Variants in FAM171A2 observed in about 807,000 individuals in gnomAD.
FAM171A2 encodes protein FAM171A2.
FAM171A2 carries 13 observed loss-of-function variants against 34.2 expected under a neutral mutation model. The ratio of observed to expected loss-of-function variants is 0.38; its 90% CI spans 0.25 to 0.60. The LOEUF is 0.60. FAM171A2 is among the 20% of genes least tolerant of loss of function. FAM171A2 has a pLI of 0.62. For missense variants in FAM171A2, 950 were observed against 1,180.7 expected (o/e 0.80, Z 2.86); for synonymous variants, 475 against 561.2 (o/e 0.85, Z 2.17).
In FAM171A2 at chr17:44,355,946, C is replaced by T. The variant is rs1338880249; in HGVS notation, c.895+12G>A. 3.9e-6 allele frequency: 6 copies of T among 1,540,020 alleles called. No individual in the cohort carries two copies. The highest frequency in any genetic ancestry group is 1.7e-4 in the Middle Eastern group (1 of 5,930). On this transcript the variant is annotated intron_variant, in intron 6 of 7. Transcript: ENST00000293443. This position sits in a 1 kb window ranked among gnomAD's most constrained non-coding sequence, Gnocchi z 4.1. ...TCCGCGGCCTCTACGCCCACTGCCCCACTACTCTTACCAGCCGTGGGGGAG... is the reference window on the plus strand; with the variant it reads ...TCCGCGGCCTCTACGCCCACTGCCCTACTACTCTTACCAGCCGTGGGGGAG...
In FAM171A2 at chr17:44,354,543, G is replaced by T; in HGVS notation, c.1671C>A (p.Gly557=). ...CCGGCGGGGCCGGCTCGTCGCCCAC[G>T]CCGGCGGCGCCCGCCTCGCCGCCGA... ...VRLGGEAGAA[G]VGDEPAPPEG... is the part of the protein sequence containing the mutation. Residue 557 remains glycine, a synonymous_variant, in exon 8 of 8, where the codon GGC becomes GGA. Coordinates refer to ENST00000293443, the MANE Select transcript of FAM171A2 (RefSeq NM_198475.3). The surrounding 1 kb of genome is among the most constrained non-coding windows in gnomAD (Gnocchi z 5.8). The T allele has an allele frequency of 1.7e-6, 2 of 1,186,814 alleles. No homozygotes were observed. Among genetic ancestry groups the T allele is most frequent in the Non-Finnish European group, 2.1e-6 (2 of 958,934 alleles). The allele number at this position is 1,186,814 out of a possible 1,614,324, so 73.5% of individuals were successfully genotyped here. A position where few individuals can be genotyped will look rare whatever the true frequency, so the allele number is the denominator to read the frequency against.
Position 44,356,441 on chromosome 17 carries a change from G to T in FAM171A2, c.587C>A (p.Ala196Asp). The T allele has an allele frequency of 6.4e-7, 1 of 1,551,028 alleles. No individual in the cohort carries two copies. The highest frequency in any genetic ancestry group is 8.7e-7 in the Non-Finnish European group (1 of 1,146,908). ...GGCACCCAGCCTACCTGAGCTGGAG[G>T]CCTCAGTGCCCAGGAAGGCAGGGAA... ...RAFPAFLGTE[A>D]SSSGNGSWLE... The change falls in exon 4 of 8, where the codon GCC (alanine) becomes GAC (aspartate). Residue 196 changes from alanine to aspartate, a missense_variant. Ala to Asp is a moderately radical substitution (Grantham distance 126). Around this residue, in one of 3 missense-constraint regions of FAM171A2, gnomAD observed 752 missense variants for 924.5 expected, o/e 0.81. Coordinates refer to ENST00000293443, the MANE Select transcript of FAM171A2 (RefSeq NM_198475.3).
rs2048402524 is a variant in FAM171A2, at chr17:44,353,678, C to T, written c.*55G>A. 26 of 1,209,874 alleles carry T rather than the reference C, an allele frequency of 2.1e-5. No homozygotes were observed. The highest frequency in any genetic ancestry group is 2.6e-5 in the Non-Finnish European group (25 of 974,654). 74.9% of individuals were successfully genotyped at this position (1,209,874 alleles called of 1,614,324 possible). A position where few individuals can be genotyped will look rare whatever the true frequency, so the allele number is the denominator to read the frequency against. ...AGGGCCCCCGCGGGCCCCCGGGGCGCGCACCCTGGGTGCGGGCCCGCGCGG... is the reference window on the plus strand; with the variant it reads ...AGGGCCCCCGCGGGCCCCCGGGGCGTGCACCCTGGGTGCGGGCCCGCGCGG... On this transcript the variant is annotated 3_prime_UTR_variant, in exon 8 of 8. Coordinates refer to ENST00000293443, the MANE Select transcript of FAM171A2 (RefSeq NM_198475.3).
intron 1 of FAM171A2, among the ~76,000 whole-genome samples, chr17:44,361,814 G>C (rs1281060678): frequency 6.6e-6 from 1 of 152,134 alleles, no homozygotes; most frequent in Non-Finnish European, 1.5e-5. Context: ...AGTGGCATGG[G>C]GTGGGGGGAG....
At chr17:44,363,124 C>A (rs533504916) in intron 1 of FAM171A2, among the ~76,000 whole-genome samples, 5 of 152,098 alleles carry the variant, frequency 3.3e-5, no homozygotes, top group South Asian at 4.1e-4. Context: ...TCCCCTCCCC[C>A]CTTCAAACCC....
rs1049810183 is a variant in FAM171A2 at position 44,354,421 on chromosome 17, C to G, written c.1793G>C (p.Gly598Ala). 1.7e-6 allele frequency: 2 copies of G among 1,150,590 alleles called. No individual in the cohort carries two copies. The highest frequency in any genetic ancestry group is 3.3e-5 in the African/African-American group (2 of 60,182). 71.3% of individuals were successfully genotyped at this position (1,150,590 alleles called of 1,614,324 possible). Residue 598 changes from glycine to alanine, a missense_variant, in exon 8 of 8, where the codon GGG (glycine) becomes GCG (alanine). Coordinates refer to ENST00000293443, the MANE Select transcript of FAM171A2 (RefSeq NM_198475.3). This position sits in a 1 kb window ranked among gnomAD's most constrained non-coding sequence, Gnocchi z 5.8. ...GHSGPGGEGG[G>A]GGGEGWGAGR... ...GGCCCCCCAGCCCTCGCCGCCGCCCCCGCCGCCCTCGCCCCCCGGGCCCGA... is the reference window on the plus strand; with the variant it reads ...GGCCCCCCAGCCCTCGCCGCCGCCCGCGCCGCCCTCGCCCCCCGGGCCCGA...
intron 1 of FAM171A2, 111 bp from the exon 2 acceptor site, chr17:44,360,243 A>T: frequency 1.2e-6 from 1 of 832,882 alleles, no homozygotes. Flanking sequence ...TTTTGGGCTG[A>T]GGCTAGAGAA....
chr17:44,356,850 A>G (rs1379177755), intron 3 of FAM171A2, among the ~76,000 whole-genome samples: 2 of 152,184 alleles, frequency 1.3e-5, no homozygotes, highest in Non-Finnish European at 2.9e-5. Flanking sequence ...AAATGTTGCG[A>G]TCCAGATCCT....
In FAM171A2 at chr17:44,355,964, T is replaced by C. The variant is rs753897731; in HGVS notation, c.889A>G (p.Thr297Ala). ...GYWVAAMASP[T>A]AGLVTITSGI... ...ACTGCCCCACTACTCTTACCAGCCGTGGGGGAGGCCATGGCGGCCACCCAG... is the reference window on the plus strand; with the variant it reads ...ACTGCCCCACTACTCTTACCAGCCGCGGGGGAGGCCATGGCGGCCACCCAG... Residue 297 changes from threonine to alanine, a missense_variant, in exon 6 of 8, where the codon ACG becomes GCG. Coordinates refer to ENST00000293443, the MANE Select transcript of FAM171A2 (RefSeq NM_198475.3). This position sits in a 1 kb window ranked among gnomAD's most constrained non-coding sequence, Gnocchi z 4.1. The C allele has an allele frequency of 5.8e-6, 9 of 1,541,212 alleles. No homozygotes were observed. Among genetic ancestry groups the C allele is most frequent in the Non-Finnish European group, 7.9e-6 (9 of 1,141,154 alleles).
At position 44,363,813 on chromosome 17, in the gene FAM171A2, G is replaced by GGCTCCC. The variant is rs1205842827; in HGVS notation, c.-105_-100dup. 151 of 479,312 alleles carry GGCTCCC rather than the reference G, an allele frequency of 3.2e-4. No individual in the cohort carries two copies. Among genetic ancestry groups the GGCTCCC allele is most frequent in the African/African-American group, 2.5e-3 (120 of 48,514 alleles). 29.7% of individuals were successfully genotyped at this position (479,312 alleles called of 1,614,324 possible). On this transcript the variant is annotated 5_prime_UTR_variant, in exon 1 of 8. Coordinates refer to ENST00000293443, the MANE Select transcript of FAM171A2 (RefSeq NM_198475.3). ...GCTCTGCGCCGCGCCTCGCAGCTCC[G>GGCTCCC]GCTCCCGCTCCCGCTGCGGCGCCCG...
At chr17:44,361,495 A>G (rs1165374234) in intron 1 of FAM171A2, among the ~76,000 whole-genome samples, 1 of 152,110 alleles carries the variant, frequency 6.6e-6, no homozygotes, top group Non-Finnish European at 1.5e-5. Flanking sequence ...AAGGCCTTAG[A>G]GTGGAGCCTG....
chr17:44,354,366 G>A lies in FAM171A2; in HGVS notation c.1848C>T (p.Val616=). The change falls in exon 8 of 8, where the codon GTC becomes GTT. Residue 616 remains valine (V), a synonymous_variant. Coordinates refer to ENST00000293443, the MANE Select transcript of FAM171A2 (RefSeq NM_198475.3). The surrounding 1 kb of genome is among the most constrained non-coding windows in gnomAD (Gnocchi z 5.8). ...ACTCGTTGAATAGCACAGGGATGGT[G>A]ACTGAGCCACTGACGGGCGCCGCGC... ...AGRAAPVSGS[V]TIPVLFNEST... is the part of the protein sequence containing the mutation. 1 of 1,354,738 alleles carries A rather than the reference G, an allele frequency of 7.4e-7. No homozygotes were observed. 83.9% of individuals were successfully genotyped at this position (1,354,738 alleles called of 1,614,324 possible). A position where few individuals can be genotyped will look rare whatever the true frequency, so the allele number is the denominator to read the frequency against.
Position 44,355,240 on chromosome 17 carries a change from A to G in FAM171A2, c.1023-49T>C, listed in dbSNP as rs1239639979. On this transcript the variant is annotated intron_variant, in intron 7 of 7. Coordinates refer to ENST00000293443, the MANE Select transcript of FAM171A2 (RefSeq NM_198475.3). This position sits in a 1 kb window ranked among gnomAD's most constrained non-coding sequence, Gnocchi z 4.1. The stretch of plus-strand genomic sequence containing the variant: ...GCCGCTCAGGAAAGGGTGAGGGCCA[A>G]AGTAGGCCCCGAACCCCCTTAGATG... 2.6e-6 allele frequency: 4 copies of G among 1,540,324 alleles called. No homozygotes were observed. Among genetic ancestry groups the G allele is most frequent in the Non-Finnish European group, 2.6e-6 (3 of 1,143,516 alleles).
rs1382813960 is a variant in FAM171A2, at chr17:44,355,013, C to A, written c.1201G>T (p.Ala401Ser). The change falls in exon 8 of 8, where the codon GCC becomes TCC. Residue 401 changes from alanine (A) to serine (S), a missense_variant. By Grantham distance (99) the Ala-to-Ser change is moderately conservative. Transcript: ENST00000293443. The surrounding 1 kb of genome is among the most constrained non-coding windows in gnomAD (Gnocchi z 4.1). ...GCCAAGTCCCGGGAGCTGGAGAAGG[C>A]CGAGTGGAGGGGGCCTGGAGGCGGA... is the stretch of plus-strand genomic sequence containing the variant. ...EAPPPGPLHSAFSSSRDLASS... is the reference protein window; with the variant it reads ...EAPPPGPLHSSFSSSRDLASS... The A allele has an allele frequency of 2.0e-6, 3 of 1,518,038 alleles. No individual in the cohort carries two copies. Among genetic ancestry groups the A allele is most frequent in the Admixed American group, 4.4e-5 (2 of 45,558 alleles). 94.0% of individuals were successfully genotyped at this position (1,518,038 alleles called of 1,614,324 possible).
At chr17:44,360,579 G>A (rs1053115107) in intron 1 of FAM171A2, among the ~76,000 whole-genome samples, 2 of 152,192 alleles carry the variant, frequency 1.3e-5, no homozygotes, top group Non-Finnish European at 2.9e-5. Context: ...GCTAAGTGGA[G>A]ATCTGGGATC....
At chr17:44,361,007 G>A (rs1325115523) in intron 1 of FAM171A2, among the ~76,000 whole-genome samples, 1 of 152,234 alleles carries the variant, frequency 6.6e-6, no homozygotes, top group African/African-American at 2.4e-5. Context: ...GCAGGGAGCT[G>A]GGGCCCTGGT....
chr17:44,359,826 C>A (rs1308586173), intron 2 of FAM171A2, 79 bp downstream of exon 2: 1 of 1,441,024 alleles, frequency 6.9e-7, no homozygotes, highest in East Asian at 2.5e-5. Context: ...TCCCCCTCCA[C>A]CCCCAAGGAG....
In FAM171A2 at chr17:44,354,793, G is replaced by T; in HGVS notation, c.1421C>A (p.Pro474Gln). The T allele has an allele frequency of 7.7e-7, 1 of 1,295,270 alleles. No individual in the cohort carries two copies. The highest frequency in any genetic ancestry group is 3.2e-5 in the East Asian group (1 of 31,730). 80.2% of individuals were successfully genotyped at this position (1,295,270 alleles called of 1,614,324 possible). ...GTCGAAGGGCGGCGGCGGCGAGGGC[G>T]GCTCGTGCAGGAAGGCCGCAGCCCC... is the stretch of plus-strand genomic sequence containing the variant. ...PSGAAAFLHE[P>Q]PSPPPPFDHY... The change falls in exon 8 of 8, where the codon CCG becomes CAG. Residue 474 changes from proline (P) to glutamine (Q), a missense_variant. Physicochemically the swap from Pro to Gln is moderately conservative, Grantham distance 76. Coordinates refer to ENST00000293443, the MANE Select transcript of FAM171A2 (RefSeq NM_198475.3). The surrounding 1 kb of genome is among the most constrained non-coding windows in gnomAD (Gnocchi z 5.8).
At chr17:44,361,673 C>T (rs1434565536) in intron 1 of FAM171A2, among the ~76,000 whole-genome samples, 4 of 152,218 alleles carry the variant, frequency 2.6e-5, no homozygotes, top group African/African-American at 9.6e-5. Flanking sequence ...CTCTCTGCTC[C>T]TCCAGGAAGC....
Sources: gnomAD v4.1 joint callset for allele counts (sites outside exome capture counted in the v4.1 genomes callset) on GRCh38, gnomAD v4.1.1 for gene constraint, gnomAD v4.1.1 regional missense constraint, Gnocchi (gnomAD v3.1) non-coding constraint, MANE v1.5 for transcripts, NCBI Gene and HGNC (gene_info 2026-07-23, HGNC 2026-07-21) for gene names.